Variants in SPATA12 observed in about 807,000 individuals in gnomAD.
SPATA12 encodes the protein spermatogenesis-associated protein 12.
For missense variants in SPATA12, 219 were observed against 226.4 expected, an observed-to-expected ratio of 0.97 and a Z score of 0.21; for synonymous variants, 85 against 89.2, an observed-to-expected ratio of 0.95 and a Z score of 0.26.
At position 57,074,473 on chromosome 3, in the gene SPATA12, G is replaced by A. The variant is rs143352990; in HGVS notation, c.*206G>A. The A allele has an allele frequency of 0.033, 19,496 of 595,138 alleles. 401 individuals are homozygous for A. The highest frequency in any genetic ancestry group is 0.039 in the Non-Finnish European group (12,925 of 328,064). 36.9% of individuals were successfully genotyped at this position (595,138 alleles called of 1,614,324 possible). A position where few individuals can be genotyped will look rare whatever the true frequency, so the allele number is the denominator to read the frequency against. On this transcript the variant is annotated 3_prime_UTR_variant, in exon 2 of 2. Transcript: ENST00000334325. ...AGATGAAGAAATCAAGATTCAGAAA[G>A]GTTAAGTTACTGGCACAAGGTCACA... is the stretch of plus-strand genomic sequence containing the variant.
rs1422020576 is a variant in SPATA12, at chr3:57,062,447, ACGG to A, written c.-330+1668_-330+1670del. Among the ~76,000 whole-genome samples the A allele has an allele frequency of 4.6e-5, 7 of 152,316 alleles. No individual in the cohort carries two copies. In the East Asian group the frequency reaches 1.3e-3, roughly 29 times the overall value. Reference sequence around the variant, plus strand: ...TCGGGCTCAGGCTAGGCTCAGGAGCACGGCGGCGGGGGCGGGGGGTGCTCAGGA... The same window carrying A: ...TCGGGCTCAGGCTAGGCTCAGGAGCACGGCGGGGGCGGGGGGTGCTCAGGA... On this transcript the variant is annotated intron_variant, in intron 1 of 1. Transcript: ENST00000334325.
chr3:57,064,501 T>G (rs1433004921), intron 1 of SPATA12, among the ~76,000 whole-genome samples: 2 of 152,064 alleles, frequency 1.3e-5, no homozygotes, highest in Admixed American at 6.6e-5. Context: ...TGCTGTATTT[T>G]TTGTAGACAG....
intron 1 of SPATA12, among the ~76,000 whole-genome samples, chr3:57,070,768 G>A (rs957928689): frequency 1.3e-5 from 2 of 151,976 alleles, no homozygotes; most frequent in Non-Finnish European, 2.9e-5. Flanking sequence ...AGACCAGCCT[G>A]GGTAACACAG....
At chr3:57,072,823 G>T (rs906012503) in intron 1 of SPATA12, among the ~76,000 whole-genome samples, 3 of 151,982 alleles carry the variant, frequency 2.0e-5, no homozygotes, top group African/African-American at 7.2e-5. Flanking sequence ...AAGGCGGGTG[G>T]ATCACGAGGT....
In SPATA12 at chr3:57,073,436, C is replaced by G; in HGVS notation, c.-259C>G. On this transcript the variant is annotated 5_prime_UTR_variant, in exon 2 of 2. Coordinates refer to ENST00000334325, the MANE Select transcript of SPATA12 (RefSeq NM_181727.2). ...GTGGGAAGCTGTGAAAGTGGACAAG[C>G]GTGAAAGAGCTTCCAAGTAGTGGAA... 2.3e-6 allele frequency: 1 copy of G among 435,380 alleles called. No individual in the cohort carries two copies. Among genetic ancestry groups the G allele is most frequent in the Non-Finnish European group, 4.0e-6 (1 of 251,762 alleles). 27.0% of individuals were successfully genotyped at this position (435,380 alleles called of 1,614,324 possible).
intron 1 of SPATA12, among the ~76,000 whole-genome samples, chr3:57,061,328 G>T (rs1465194641): frequency 6.6e-6 from 1 of 151,828 alleles, no homozygotes; most frequent in African/African-American, 2.4e-5. Context: ...AATGGGGTCT[G>T]GCCCTGTCAT....
At chr3:57,063,707 G>A (rs573579833) in intron 1 of SPATA12, among the ~76,000 whole-genome samples, 39 of 152,274 alleles carry the variant, frequency 2.6e-4, no homozygotes, top group African/African-American at 8.4e-4. Flanking sequence ...TCCATCACAC[G>A]CTGCTGGTAG....
At position 57,075,254 on chromosome 3, in the gene SPATA12, C is replaced by T. The variant is rs1301548052; in HGVS notation, c.*987C>T. ...CATCTCCATTACACTGGCCACTCTC[C>T]CTCACATCTTATTACTGATCTAGTT... is the stretch of plus-strand genomic sequence containing the variant. On this transcript the variant is annotated 3_prime_UTR_variant, in exon 2 of 2. Coordinates refer to ENST00000334325, the MANE Select transcript of SPATA12 (RefSeq NM_181727.2). 6.0e-6 allele frequency: 1 copy of T among 167,094 alleles called. No homozygotes were observed. Among genetic ancestry groups the T allele is most frequent in the Non-Finnish European group, 1.5e-5 (1 of 68,152 alleles). 10.4% of individuals were successfully genotyped at this position (167,094 alleles called of 1,614,324 possible).
In SPATA12 at chr3:57,073,472, C is replaced by G; in HGVS notation, c.-223C>G. On this transcript the variant is annotated 5_prime_UTR_variant, in exon 2 of 2. Transcript: ENST00000334325. Reference sequence around the variant, plus strand: ...TTCCAAGTAGTGGAAACAGCAGAAGCAAAGATGTGAACATGGGAAAACCTC... The same window carrying G: ...TTCCAAGTAGTGGAAACAGCAGAAGGAAAGATGTGAACATGGGAAAACCTC... 1 of 606,688 alleles carries G rather than the reference C, an allele frequency of 1.6e-6. No homozygotes were observed. The highest frequency in any genetic ancestry group is 2.6e-6 in the Non-Finnish European group (1 of 384,158). 37.6% of individuals were successfully genotyped at this position (606,688 alleles called of 1,614,324 possible).
chr3:57,073,854 T>C lies in SPATA12; in HGVS notation c.160T>C (p.Cys54Arg). 1 of 1,614,216 alleles carries C rather than the reference T, an allele frequency of 6.2e-7. No individual in the cohort carries two copies. Among genetic ancestry groups the C allele is most frequent in the East Asian group, 2.2e-5 (1 of 44,876 alleles). The change falls in exon 2 of 2, where the codon TGC becomes CGC. Residue 54 changes from cysteine (C) to arginine (R), a missense_variant. Cys to Arg is a radical substitution (Grantham distance 180). Coordinates refer to ENST00000334325, the MANE Select transcript of SPATA12 (RefSeq NM_181727.2). ...CAAACCCCACTGTGCACTGGCATCATGCCAGGGTCCAGGTGTCCTGCCAGG... is the reference window on the plus strand; with the variant it reads ...CAAACCCCACTGTGCACTGGCATCACGCCAGGGTCCAGGTGTCCTGCCAGG... ...PNKPHCALASCQGPGVLPGAA... is the reference protein window; with the variant it reads ...PNKPHCALASRQGPGVLPGAA...
At chr3:57,062,501 G>A (rs373585243) in intron 1 of SPATA12, among the ~76,000 whole-genome samples, 6 of 152,344 alleles carry the variant, frequency 3.9e-5, no homozygotes, top group South Asian at 2.1e-4. Context: ...TCAGAGAAGA[G>A]GGAAGGAAGC....
intron 1 of SPATA12, among the ~76,000 whole-genome samples, chr3:57,069,908 G>A (rs1264306240): frequency 2.0e-5 from 3 of 152,194 alleles, no homozygotes; most frequent in African/African-American, 7.2e-5. Flanking sequence ...ACCTCCCAAA[G>A]TGCTGGGATT....
At chr3:57,064,310 T>C (rs186318995) in intron 1 of SPATA12, among the ~76,000 whole-genome samples, 1 of 150,630 alleles carries the variant, frequency 6.6e-6, no homozygotes. Flanking sequence ...AATTCTTTCT[T>C]TTTTTTTTCT....
rs1579226358 is a variant in SPATA12, at chr3:57,073,764, C to T, written c.70C>T (p.Leu24=). 6.2e-7 allele frequency: 1 copy of T among 1,614,262 alleles called. No individual in the cohort carries two copies. Among genetic ancestry groups the T allele is most frequent in the East Asian group, 2.2e-5 (1 of 44,886 alleles). Residue 24 remains leucine (L), a synonymous_variant, in exon 2 of 2, where the codon CTA becomes TTA. Coordinates refer to ENST00000334325, the MANE Select transcript of SPATA12 (RefSeq NM_181727.2). ...AGGAGACACCTGGGAAATGAAGGCA[C>T]TAGACTCTTCCAGACTCGTTCCATG... is the stretch of plus-strand genomic sequence containing the variant. ...KSGDTWEMKA[L]DSSRLVPWPP... is the part of the protein sequence containing the mutation.
At chr3:57,072,468 C>T (rs1490304185) in intron 1 of SPATA12, among the ~76,000 whole-genome samples, 7 of 150,918 alleles carry the variant, frequency 4.6e-5, no homozygotes, top group African/African-American at 7.3e-5. Flanking sequence ...AGGCCAGGTG[C>T]GGTGGCTCAT....
At position 57,064,118 on chromosome 3, in the gene SPATA12, A is replaced by C. The variant is rs545273714; in HGVS notation, c.-330+3332A>C. Among the ~76,000 whole-genome samples the C allele has an allele frequency of 8.2e-4, 124 of 152,088 alleles. 1 individual carries two copies. The Middle Eastern group carries it at 0.014, about 17-fold the overall frequency. On this transcript the variant is annotated intron_variant, in intron 1 of 1. Transcript: ENST00000334325. ...CCTGTCTCTACCAAAAATACAAAAA[A>C]ATTAATTGGGCATAGTGGTGCATGC...
At chr3:57,071,551 T>C (rs1257934697) in intron 1 of SPATA12, among the ~76,000 whole-genome samples, 1 of 151,912 alleles carries the variant, frequency 6.6e-6, no homozygotes, top group African/African-American at 2.4e-5. Context: ...TCCCAGCTAC[T>C]TGAGAGGCTG....
intron 1 of SPATA12, among the ~76,000 whole-genome samples, chr3:57,062,721 A>G (rs1705298393): frequency 6.6e-6 from 1 of 151,826 alleles, no homozygotes; most frequent in Non-Finnish European, 1.5e-5. Context: ...CACACACACA[A>G]CAAACATGCA....
chr3:57,074,291 G>C lies in SPATA12; in HGVS notation c.*24G>C. 1.9e-6 allele frequency: 3 copies of C among 1,589,888 alleles called. No individual in the cohort carries two copies. Among genetic ancestry groups the C allele is most frequent in the Non-Finnish European group, 2.6e-6 (3 of 1,163,650 alleles). On this transcript the variant is annotated 3_prime_UTR_variant, in exon 2 of 2. Transcript: ENST00000334325. ...AATCAATAATAATCCTGCAACATCT[G>C]AGAGTCTGGCAGCTGTTTGTCTGGG...
Sources: allele counts gnomAD v4.1 joint callset (sites outside exome capture counted in the v4.1 genomes callset), GRCh38; gene constraint gnomAD v4.1.1; transcripts MANE v1.5; gene names NCBI Gene and HGNC (gene_info 2026-07-23, HGNC 2026-07-21).